Variants in RBFOX1 observed in about 807,000 individuals in gnomAD.
RBFOX1 encodes the protein RNA binding protein fox-1 homolog 1.
A neutral mutation model predicts 57.7 loss-of-function variants in RBFOX1; 8 were observed. The observed-to-expected ratio is 0.14, with a 90% CI of 0.08 to 0.25. RBFOX1 has a LOEUF of 0.25. Ranked by LOEUF, RBFOX1 falls within the 10% of genes least tolerant of loss-of-function variation. RBFOX1 has a pLI of 1.00. For missense variants in RBFOX1, 611 were observed against 548.5 expected (o/e 1.11, Z -1.14); for synonymous variants, 326 against 222.4 (o/e 1.47, Z -4.15).
At chr16:5,539,114 G>A (rs761044205) in intron 2 of RBFOX1, among the ~76,000 whole-genome samples, 1 of 152,146 alleles carries the variant, frequency 6.6e-6, no homozygotes, top group Non-Finnish European at 1.5e-5. Context: ...CTTTCCGAGG[G>A]CACGTAATTC....
intron 3 of RBFOX1, among the ~76,000 whole-genome samples, chr16:6,800,661 A>G (rs1014700926): frequency 1.3e-5 from 2 of 151,950 alleles, no homozygotes; most frequent in Non-Finnish European, 2.9e-5. Context: ...TCTCCCTAAA[A>G]TTTTTGCCTT....
intron 4 of RBFOX1, among the ~76,000 whole-genome samples, chr16:7,258,510 A>C (rs941189067): frequency 1.3e-5 from 2 of 152,202 alleles, no homozygotes; most frequent in Non-Finnish European, 2.9e-5. Context: ...TACTGCAAGT[A>C]GATTATGAAA....
intron 3 of RBFOX1, among the ~76,000 whole-genome samples, chr16:5,788,603 T>A (rs1437712931): frequency 6.6e-6 from 1 of 152,194 alleles, no homozygotes; most frequent in Admixed American, 6.5e-5. Context: ...CACTCCAGCC[T>A]GGGTGACAGA....
intron 2 of RBFOX1, among the ~76,000 whole-genome samples, chr16:6,516,891 G>A (rs779738081): frequency 6.6e-6 from 1 of 152,132 alleles, no homozygotes; most frequent in Non-Finnish European, 1.5e-5. Flanking sequence ...TTGAAAAAGA[G>A]CCCCAGTCTT....
At chr16:5,598,770 G>C in intron 2 of RBFOX1, 1 of 681,216 alleles carries the variant, frequency 1.5e-6, no homozygotes. Context: ...GATGGGTGGA[G>C]AGACAGAGGG....
At chr16:5,342,595 A>T (rs187422952) in intron 1 of RBFOX1, among the ~76,000 whole-genome samples, 1 of 152,276 alleles carries the variant, frequency 6.6e-6, no homozygotes, top group Admixed American at 6.5e-5. Context: ...CAGGGAAAGG[A>T]CTCAAAAATG....
chr16:7,682,602 T>G (rs565112737), intron 14 of RBFOX1, among the ~76,000 whole-genome samples: 2 of 151,794 alleles, frequency 1.3e-5, no homozygotes, highest in Non-Finnish European at 2.9e-5. Context: ...TCTTGGGTTC[T>G]ATAATTTTTT....
At chr16:6,891,564 T>A (rs557743507) in intron 3 of RBFOX1, among the ~76,000 whole-genome samples, 2 of 152,226 alleles carry the variant, frequency 1.3e-5, no homozygotes, top group African/African-American at 4.8e-5. Flanking sequence ...GGTTAGTTTT[T>A]TCCAGTGCTC....
chr16:7,277,063 A>G (rs2095454252), intron 4 of RBFOX1, among the ~76,000 whole-genome samples: 1 of 152,248 alleles, frequency 6.6e-6, no homozygotes, highest in African/African-American at 2.4e-5. Flanking sequence ...CCCTTTAAGA[A>G]TAGCAAACGT....
chr16:7,451,236 A>C lies in RBFOX1; in HGVS notation c.28-66911A>C, dbSNP rs551820191. On this transcript the variant is annotated intron_variant, in intron 4 of 15. Transcript: ENST00000550418. ...GGATGGGACCTGATATAATCATATA[A>C]TATTGAATTCAGTTCTATGAGCTTT... Among the ~76,000 whole-genome samples, 7 of 152,342 alleles carry C rather than the reference A, an allele frequency of 4.6e-5. No individual in the cohort carries two copies. In the South Asian group the frequency reaches 8.3e-4, roughly 18 times the overall value.
chr16:7,072,231 C>T lies in RBFOX1; in HGVS notation c.27+20133C>T, dbSNP rs548851305. On this transcript the variant is annotated intron_variant, in intron 4 of 15. Transcript: ENST00000550418. ...GGAGAATAAATTATGATCACTGAAC[C>T]TTCTATTCACTCCTTAGGGCCAGAA... 1.9e-4 allele frequency among the ~76,000 whole-genome samples: 29 copies of T among 152,260 alleles called. 2 individuals are homozygous for T. The South Asian group carries it at 5.6e-3, about 29-fold the overall frequency.
rs112765671 is a variant in RBFOX1 at position 5,830,379 on chromosome 16, GTTTT to G, written c.319-36915_319-36912del. ...TAAATTTCCAATCATTTTGCTTTTTGTTTTTTTTTTTTGTTCTTTCTGTAAACAT... is the reference window on the plus strand; with the variant it reads ...TAAATTTCCAATCATTTTGCTTTTTGTTTTTTTTGTTCTTTCTGTAAACAT... On this transcript the variant is annotated intron_variant, in intron 3 of 19. Coordinates refer to the RBFOX1 transcript ENST00000641259. 1.4e-3 allele frequency among the ~76,000 whole-genome samples: 203 copies of G among 141,686 alleles called. 2 individuals carry two copies. Among genetic ancestry groups the G allele is most frequent in the African/African-American group, 4.9e-3 (189 of 38,882 alleles). 93.0% of individuals were successfully genotyped at this position (141,686 alleles called of 152,430 possible). A position where few individuals can be genotyped will look rare whatever the true frequency, so the allele number is the denominator to read the frequency against.
At chr16:7,155,712 A>AATATATATATATAT (rs1186735495) in intron 4 of RBFOX1, among the ~76,000 whole-genome samples, 3 of 77,420 alleles carry the variant, frequency 3.9e-5, no homozygotes, top group African/African-American at 2.0e-4. Context: ...AAAAAAAAAA[A>AATATATATATATAT]ATATATATAT....
In RBFOX1 at chr16:7,653,808, C is replaced by T. The variant is rs774996123; in HGVS notation, c.758-7C>T. The T allele has an allele frequency of 6.8e-6, 11 of 1,607,634 alleles. No homozygotes were observed. The highest frequency in any genetic ancestry group is 3.3e-5 in the Admixed American group (2 of 59,860). On this transcript the variant is annotated splice_region_variant and splice_polypyrimidine_tract_variant and intron_variant, in intron 11 of 15. Coordinates refer to ENST00000550418, the MANE Select transcript of RBFOX1 (RefSeq NM_018723.4). ...GCTCTCTCTCTCTCTCTCCTCTTGC[C>T]CCGCAGTGCCAGGCTTCCCGTATCC... is the stretch of plus-strand genomic sequence containing the variant.
At chr16:7,313,503 G>A (rs1377678429) in intron 4 of RBFOX1, among the ~76,000 whole-genome samples, 3 of 132,522 alleles carry the variant, frequency 2.3e-5, no homozygotes, top group Non-Finnish European at 3.2e-5. Context: ...CTTTGGTTCC[G>A]TTCAAAAAAT....
Position 7,306,311 on chromosome 16 carries a change from C to A in RBFOX1, c.28-211836C>A, listed in dbSNP as rs183352111. On this transcript the variant is annotated intron_variant, in intron 4 of 15. Coordinates refer to ENST00000550418, the MANE Select transcript of RBFOX1 (RefSeq NM_018723.4). ...GAGAAGAACAAACATATAAGATAAA[C>A]ACAAAGGTTCTCAGCATCTTCCAGG... Among the ~76,000 whole-genome samples the A allele has an allele frequency of 8.5e-5, 13 of 152,224 alleles. No homozygotes were observed. The East Asian group carries it at 2.3e-3, about 27-fold the overall frequency.
chr16:5,661,933 G>A (rs562799182), intron 3 of RBFOX1, among the ~76,000 whole-genome samples: 58 of 152,150 alleles, frequency 3.8e-4, no homozygotes, highest in African/African-American at 1.4e-3. Flanking sequence ...CTACAGGCAC[G>A]TGCCACCAAG....
intron 1 of RBFOX1, among the ~76,000 whole-genome samples, chr16:6,291,986 T>A (rs1371011793): frequency 6.6e-6 from 1 of 152,138 alleles, no homozygotes; most frequent in Non-Finnish European, 1.5e-5. Context: ...TACTTGTGTG[T>A]GTGTAGTTTG....
At chr16:5,789,305 T>C (rs1487604763) in intron 3 of RBFOX1, among the ~76,000 whole-genome samples, 1 of 152,030 alleles carries the variant, frequency 6.6e-6, no homozygotes, top group African/African-American at 2.4e-5. Context: ...GAGGGAGGTG[T>C]GGTGAAGGAG....
Sources: gnomAD v4.1 joint callset for allele counts (sites outside exome capture counted in the v4.1 genomes callset) on GRCh38, gnomAD v4.1.1 for gene constraint, MANE v1.5 for transcripts, NCBI Gene and HGNC (gene_info 2026-07-23, HGNC 2026-07-21) for gene names.